Variants in MTHFD1L observed in about 807,000 individuals in gnomAD.
The protein encoded by MTHFD1L is monofunctional C1-tetrahydrofolate synthase, mitochondrial.
Under a neutral mutation model 119.5 loss-of-function variants are expected in MTHFD1L, and 81 were observed. The ratio of observed to expected loss-of-function variants is 0.68; its 90% CI spans 0.57 to 0.82. The LOEUF is 0.82. Ranked by LOEUF, MTHFD1L falls within the 40% of genes least tolerant of loss-of-function variation. The pLI is 0.00. For synonymous variants in MTHFD1L, 430 were observed against 475.2 expected (o/e 0.90, Z 1.24); for missense variants, 1,125 against 1,253.4 (o/e 0.90, Z 1.55).
intron 26 of MTHFD1L, among the ~76,000 whole-genome samples, chr6:151,038,988 G>A (rs560612727): frequency 6.6e-6 from 1 of 152,194 alleles, no homozygotes; most frequent in African/African-American, 2.4e-5. Flanking sequence ...TACAGACACA[G>A]TGCTTCAAAG....
chr6:150,918,582 GTTGGGTGTGGCTCTCCAAGAATACATT>G lies in MTHFD1L; in HGVS notation c.903_929del (p.Cys302_Gly310del), dbSNP rs1788391072. On this transcript the variant is annotated inframe_deletion, in exon 9 of 28. Transcript: ENST00000367321. ...TTCCCTCCAATTTTTTACAGGGAAGGTTGGGTGTGGCTCTCCAAGAATACATTTTGGTGGACTCATTGAGGAAGATGA... is the reference window on the plus strand; with the variant it reads ...TTCCCTCCAATTTTTTACAGGGAAGGTTGGTGGACTCATTGAGGAAGATGA... 1 of 1,613,154 alleles carries G rather than the reference GTTGGGTGTGGCTCTCCAAGAATACATT, an allele frequency of 6.2e-7. No homozygotes were observed. The highest frequency in any genetic ancestry group is 1.3e-5 in the African/African-American group (1 of 74,904).
rs185340615 is a variant in MTHFD1L, at chr6:151,066,637, C to T, written c.2848-25830C>T. The stretch of plus-strand genomic sequence containing the variant: ...AAAATTAGCCAGGCGTGGTGGCAGG[C>T]GCCTGTTGTCCCAGCTACTCAGGAG... On this transcript the variant is annotated intron_variant, in intron 26 of 27. Coordinates refer to ENST00000367321, the MANE Select transcript of MTHFD1L (RefSeq NM_015440.5). 2.1e-3 allele frequency among the ~76,000 whole-genome samples: 324 copies of T among 151,370 alleles called. 2 individuals carry two copies. Among genetic ancestry groups the T allele is most frequent in the African/African-American group, 7.2e-3 (298 of 41,216 alleles).
At chr6:150,908,330 A>T (rs1374239095) in intron 8 of MTHFD1L, among the ~76,000 whole-genome samples, 1 of 150,206 alleles carries the variant, frequency 6.7e-6, no homozygotes, top group African/African-American at 2.4e-5. Context: ...CCACTTAAAG[A>T]TGGGGCTGAT....
chr6:151,064,184 T>G (rs1156793621), intron 26 of MTHFD1L, among the ~76,000 whole-genome samples: 1 of 152,234 alleles, frequency 6.6e-6, no homozygotes, highest in East Asian at 1.9e-4. Context: ...TGAAGAGTTG[T>G]CTCTTTATAA....
intron 27 of MTHFD1L, among the ~76,000 whole-genome samples, chr6:151,095,376 T>G (rs1794812286): frequency 6.6e-6 from 1 of 152,232 alleles, no homozygotes; most frequent in South Asian, 2.1e-4. Context: ...TATGTTACAT[T>G]TCTGCCATTT....
At chr6:151,013,757 A>G (rs774705456) in intron 21 of MTHFD1L, 22 bp from the exon 22 acceptor site, 7 of 1,602,788 alleles carry the variant, frequency 4.4e-6, no homozygotes, top group Admixed American at 3.3e-5. Flanking sequence ...ATTATTCTTC[A>G]TGTTTTCTCT....
intron 20 of MTHFD1L, among the ~76,000 whole-genome samples, chr6:150,978,966 G>A (rs947442699): frequency 4.6e-5 from 7 of 152,148 alleles, no homozygotes; most frequent in Non-Finnish European, 7.3e-5. Flanking sequence ...TTAGCTGGGC[G>A]CAGTGGCTCA....
intron 1 of MTHFD1L, chr6:150,866,396 G>A (rs1778321372): frequency 2.9e-6 from 4 of 1,378,580 alleles, no homozygotes; most frequent in East Asian, 3.1e-5. Flanking sequence ...CGGTAAAGGG[G>A]CGGTGCGGCT....
chr6:150,987,079 G>A (rs1274972441), intron 20 of MTHFD1L, among the ~76,000 whole-genome samples: 3 of 152,146 alleles, frequency 2.0e-5, no homozygotes, highest in African/African-American at 4.8e-5. Flanking sequence ...TAATGTTAAA[G>A]TCTTATTTTC....
Position 150,926,596 on chromosome 6 carries a change from A to T in MTHFD1L, c.1256+301A>T, listed in dbSNP as rs1790034187. Among the ~76,000 whole-genome samples the T allele has an allele frequency of 6.6e-6, 1 of 152,232 alleles. No individual in the cohort carries two copies. On this transcript the variant is annotated intron_variant, in intron 11 of 27. Coordinates refer to ENST00000367321, the MANE Select transcript of MTHFD1L (RefSeq NM_015440.5). This position sits in a 1 kb window ranked among gnomAD's most constrained non-coding sequence, Gnocchi z 4.3. The stretch of plus-strand genomic sequence containing the variant: ...TTTGAATTTCATTTTTCATTATAAA[A>T]ATCAAAATAGGAATTGAAAGTAAAC...
chr6:151,067,874 G>A (rs968877295), intron 26 of MTHFD1L, among the ~76,000 whole-genome samples: 23 of 152,176 alleles, frequency 1.5e-4, no homozygotes, highest in African/African-American at 4.1e-4. Flanking sequence ...TTCCCCTGCC[G>A]ATGTCATGGG....
intron 8 of MTHFD1L, among the ~76,000 whole-genome samples, chr6:150,907,426 A>T (rs373075387): frequency 2.7e-4 from 41 of 152,378 alleles, no homozygotes; most frequent in African/African-American, 9.1e-4. Flanking sequence ...CCATGGGGTT[A>T]TGCACAGATA....
intron 4 of MTHFD1L, among the ~76,000 whole-genome samples, chr6:150,882,019 G>C (rs139112321): frequency 6.6e-6 from 1 of 152,290 alleles, no homozygotes; most frequent in Non-Finnish European, 1.5e-5. Context: ...AAATATTTTT[G>C]TTAAGTGAGA....
chr6:151,024,248 C>T (rs1336664152), intron 24 of MTHFD1L, among the ~76,000 whole-genome samples: 1 of 152,094 alleles, frequency 6.6e-6, no homozygotes, highest in Non-Finnish European at 1.5e-5. Flanking sequence ...ATCATGAGAA[C>T]ACTGTGCTTG....
At chr6:151,011,143 C>T (rs1481521390) in intron 21 of MTHFD1L, among the ~76,000 whole-genome samples, 1 of 152,184 alleles carries the variant, frequency 6.6e-6, no homozygotes, top group South Asian at 2.1e-4. Context: ...ACTCCTAATA[C>T]CCGACACTTA....
intron 18 of MTHFD1L, among the ~76,000 whole-genome samples, chr6:150,963,204 C>A (rs1796708007): frequency 6.6e-6 from 1 of 152,194 alleles, no homozygotes; most frequent in African/African-American, 2.4e-5. Context: ...GTGTGTGCCA[C>A]CATGCCCAGC....
At chr6:150,898,929 C>T in intron 7 of MTHFD1L, 2 of 1,048,650 alleles carry the variant, frequency 1.9e-6, no homozygotes, top group South Asian at 5.1e-5. Flanking sequence ...GCTCTGCCTC[C>T]CAGGTTGAAG....
rs758287809 is a variant in MTHFD1L at position 151,015,537 on chromosome 6, T to G, written c.2430T>G (p.Ile810Met). The G allele has an allele frequency of 1.2e-6, 2 of 1,612,884 alleles. No individual in the cohort carries two copies. Among genetic ancestry groups the G allele is most frequent in the African/African-American group, 2.7e-5 (2 of 74,896 alleles). Residue 810 changes from isoleucine to methionine, a missense_variant, in exon 24 of 28, where the codon ATT (isoleucine) becomes ATG (methionine). Around this residue, in one of 3 missense-constraint regions of MTHFD1L, gnomAD observed 1,058 missense variants for 1,151.2 expected, o/e 0.92. Transcript: ENST00000367321. The part of the protein sequence containing the change: ...NVFKTDTRAE[I>M]DLVCELAKRA... ...CTAGGACCGACACCCGCGCTGAGAT[T>G]GACTTGGTGTGTGAGCTTGCAAAGC...
intron 16 of MTHFD1L, among the ~76,000 whole-genome samples, chr6:150,952,643 C>T (rs1795020798): frequency 6.6e-6 from 1 of 152,128 alleles, no homozygotes; most frequent in Non-Finnish European, 1.5e-5. Flanking sequence ...AATTATCCTG[C>T]CTCAGCCTCC....
Sources: gnomAD v4.1 joint callset for allele counts (sites outside exome capture counted in the v4.1 genomes callset) on GRCh38, gnomAD v4.1.1 for gene constraint, gnomAD v4.1.1 regional missense constraint, Gnocchi (gnomAD v3.1) non-coding constraint, MANE v1.5 for transcripts, NCBI Gene and HGNC (gene_info 2026-07-23, HGNC 2026-07-21) for gene names.